RPTOR: variants seen among roughly 807,000 people sequenced by gnomAD.
RPTOR encodes regulatory-associated protein of mTOR.
Under a neutral mutation model 169.9 loss-of-function variants are expected in RPTOR, and 21 were observed. The observed-to-expected ratio is 0.12, with a 90% CI of 0.09 to 0.18. The LOEUF is 0.18. Among genes scored for constraint, RPTOR ranks in the 10% least tolerant of loss-of-function variants. The probability of loss-of-function intolerance (pLI) is 1.00; values close to 1 mark genes in which losing one functional copy is unlikely to be tolerated. For missense variants in RPTOR, 1,133 were observed against 1,855.9 expected, an observed-to-expected ratio of 0.61 and a Z score of 7.16; for synonymous variants, 732 against 753.2, an observed-to-expected ratio of 0.97 and a Z score of 0.46.
intron 7 of RPTOR, among the ~76,000 whole-genome samples, chr17:80,811,683 G>A (rs1411154726): frequency 5.1e-5 from 7 of 136,494 alleles, no homozygotes; most frequent in Middle Eastern, 4.6e-3. Flanking sequence ...ACACAGCCAC[G>A]CCCTCTCCAA....
At position 80,957,336 on chromosome 17, in the gene RPTOR, C is replaced by G. The variant is rs558318618; in HGVS notation, c.3371-288C>G. Among the ~76,000 whole-genome samples the G allele has an allele frequency of 6.6e-6, 1 of 151,144 alleles. No homozygotes were observed. The highest frequency in any genetic ancestry group is 2.4e-5 in the African/African-American group (1 of 41,086). ...TCACCCCGGCCTGGACTTGGGAGTT[C>G]CAGCTTAGAACTGTCACCCCAGCCT... is the stretch of plus-strand genomic sequence containing the variant. On this transcript the variant is annotated intron_variant, in intron 28 of 33. Coordinates refer to ENST00000306801, the MANE Select transcript of RPTOR (RefSeq NM_020761.3). The surrounding 1 kb of genome is among the most constrained non-coding windows in gnomAD (Gnocchi z 4.6).
intron 9 of RPTOR, among the ~76,000 whole-genome samples, chr17:80,829,613 C>G (rs1188733335): frequency 6.6e-6 from 1 of 152,158 alleles, no homozygotes; most frequent in African/African-American, 2.4e-5. Context: ...GCCCTCGGTG[C>G]CTCGGCTCCC....
chr17:80,956,544 C>T (rs12951778), intron 28 of RPTOR, among the ~76,000 whole-genome samples: 121,997 of 152,274 alleles, frequency 0.8, 49,433 homozygotes, highest in African/African-American at 0.93. Context: ...TCAGAAGAAC[C>T]GGCTTCCTCA....
At chr17:80,772,811 GT>G (rs2066857610) in intron 6 of RPTOR, among the ~76,000 whole-genome samples, 1 of 152,108 alleles carries the variant, frequency 6.6e-6, no homozygotes, top group East Asian at 1.9e-4. Flanking sequence ...TTTAATCTCA[GT>G]AATTCCTGTT....
chr17:80,613,751 G>A (rs1169585182), intron 1 of RPTOR, among the ~76,000 whole-genome samples: 1 of 151,572 alleles, frequency 6.6e-6, no homozygotes, highest in Non-Finnish European at 1.5e-5. Flanking sequence ...GGACACAGGT[G>A]CTCTCTATGG....
rs1163452922 is a variant in RPTOR, at chr17:80,707,747, TATTAAC to T, written c.349-93_349-88del. The T allele has an allele frequency of 6.3e-4, 774 of 1,225,978 alleles. 7 individuals carry two copies. The African/African-American group carries it at 9.6e-3, about 15-fold the overall frequency. The allele number at this position is 1,225,978 out of a possible 1,614,324, so 75.9% of individuals were successfully genotyped here. On this transcript the variant is annotated intron_variant, in intron 3 of 33. Transcript: ENST00000306801. The surrounding 1 kb of genome is among the most constrained non-coding windows in gnomAD (Gnocchi z 5.0). The stretch of plus-strand genomic sequence containing the variant: ...AGCCATGTGTCCAGGACCACACAGC[TATTAAC>T]TGCAAACCCAGAGGAAAGGGTAGGG...
intron 24 of RPTOR, among the ~76,000 whole-genome samples, chr17:80,935,691 T>C (rs1032761943): frequency 1.3e-5 from 2 of 152,186 alleles, no homozygotes; most frequent in African/African-American, 4.8e-5. Flanking sequence ...CGATCAGTAC[T>C]TCACACCTTA....
chr17:80,876,838 G>A (rs1460681031), intron 13 of RPTOR, among the ~76,000 whole-genome samples: 2 of 128,092 alleles, frequency 1.6e-5, no homozygotes, highest in African/African-American at 3.0e-5. Context: ...CTTCCACCGA[G>A]CCCGTGCCAC....
chr17:80,958,632 C>T (rs2069291121), intron 29 of RPTOR, among the ~76,000 whole-genome samples: 1 of 151,866 alleles, frequency 6.6e-6, no homozygotes, highest in Non-Finnish European at 1.5e-5. Context: ...CCAGAATGGT[C>T]TCTATCTCCT....
At chr17:80,938,475 T>G (rs2068982260) in intron 24 of RPTOR, among the ~76,000 whole-genome samples, 1 of 152,236 alleles carries the variant, frequency 6.6e-6, no homozygotes, top group Non-Finnish European at 1.5e-5. Flanking sequence ...CACCGCGGGT[T>G]TTTTCTTATT....
At chr17:80,674,179 T>C (rs1419793537) in intron 3 of RPTOR, among the ~76,000 whole-genome samples, 1 of 152,254 alleles carries the variant, frequency 6.6e-6, no homozygotes, top group Non-Finnish European at 1.5e-5. Flanking sequence ...CCTTTCAAAC[T>C]AATATCTTAT....
At chr17:80,952,926 G>A (rs563232697) in intron 28 of RPTOR, among the ~76,000 whole-genome samples, 2 of 137,534 alleles carry the variant, frequency 1.5e-5, no homozygotes, top group Non-Finnish European at 3.0e-5. Context: ...GTGCAGTGGC[G>A]TGATCTTGGC....
chr17:80,774,505 A>G (rs143983750), intron 6 of RPTOR, among the ~76,000 whole-genome samples: 1 of 152,338 alleles, frequency 6.6e-6, no homozygotes, highest in African/African-American at 2.4e-5. Context: ...TGGGGTGGAC[A>G]GCTTCATTTA....
At chr17:80,777,345 C>A (rs184445200) in intron 6 of RPTOR, among the ~76,000 whole-genome samples, 24 of 152,002 alleles carry the variant, frequency 1.6e-4, no homozygotes, top group Admixed American at 8.5e-4. Context: ...CATGTTATTT[C>A]GAAATTTACG....
intron 2 of RPTOR, among the ~76,000 whole-genome samples, chr17:80,637,891 G>A (rs1183853972): frequency 2.0e-5 from 3 of 152,280 alleles, no homozygotes; most frequent in Admixed American, 6.5e-5. Context: ...GCGGCGGCTC[G>A]TGGGTTTACA....
chr17:80,547,415 A>G (rs1599537876), intron 1 of RPTOR, among the ~76,000 whole-genome samples: 1 of 152,336 alleles, frequency 6.6e-6, no homozygotes, highest in Middle Eastern at 3.4e-3. Context: ...AAACTGATTA[A>G]TGGGTATACG....
intron 1 of RPTOR, among the ~76,000 whole-genome samples, chr17:80,603,151 A>C (rs766742602): frequency 6.6e-6 from 1 of 152,232 alleles, no homozygotes; most frequent in Non-Finnish European, 1.5e-5. Context: ...TTTATCAATA[A>C]GATTAATCTC....
chr17:80,640,790 A>C (rs1419288373), intron 2 of RPTOR, among the ~76,000 whole-genome samples: 1 of 139,566 alleles, frequency 7.2e-6, no homozygotes, highest in Non-Finnish European at 1.6e-5. Flanking sequence ...TACTCCTTGA[A>C]TGGGAACTCC....
At chr17:80,871,802 A>C (rs1184786500) in intron 13 of RPTOR, among the ~76,000 whole-genome samples, 1 of 151,912 alleles carries the variant, frequency 6.6e-6, no homozygotes, top group African/African-American at 2.4e-5. Flanking sequence ...GGGATTTTTT[A>C]GTATTCCTTC....
Sources: gnomAD v4.1 joint callset for allele counts (sites outside exome capture counted in the v4.1 genomes callset) on GRCh38, gnomAD v4.1.1 for gene constraint, Gnocchi (gnomAD v3.1) non-coding constraint, MANE v1.5 for transcripts, NCBI Gene and HGNC (gene_info 2026-07-23, HGNC 2026-07-21) for gene names.